The following GNAQ variants were observed in gnomAD, a reference collection of about 807,000 sequenced individuals.
GNAQ encodes the protein guanine nucleotide-binding protein G(q) subunit alpha.
GNAQ carries 8 observed loss-of-function variants against 43.9 expected under a neutral mutation model. The observed-to-expected ratio is 0.18, with a 90% CI of 0.11 to 0.33. GNAQ has a LOEUF of 0.33. GNAQ is among the 10% of genes least tolerant of loss of function. The pLI is 1.00. For synonymous variants in GNAQ, 155 were observed against 170.7 expected, an observed-to-expected ratio of 0.91 and a Z score of 0.71; for missense variants, 158 against 450.8, an observed-to-expected ratio of 0.35 and a Z score of 5.88.
At chr9:77,779,061 C>A (rs943576073) in intron 5 of GNAQ, among the ~76,000 whole-genome samples, 1 of 151,930 alleles carries the variant, frequency 6.6e-6, no homozygotes, top group East Asian at 1.9e-4. Context: ...TGCCATCAAT[C>A]AATTAGATAT....
At chr9:78,022,268 G>A (rs762239170) in intron 1 of GNAQ, among the ~76,000 whole-genome samples, 6 of 152,328 alleles carry the variant, frequency 3.9e-5, no homozygotes, top group Admixed American at 2.6e-4. Flanking sequence ...GAAAGTGGCC[G>A]AGACGCCAAA....
chr9:77,835,125 G>T (rs1452332573), intron 2 of GNAQ, among the ~76,000 whole-genome samples: 2 of 152,118 alleles, frequency 1.3e-5, no homozygotes, highest in Non-Finnish European at 1.5e-5. Flanking sequence ...ACCCTGGGCA[G>T]GGTGAGGTGG....
chr9:77,728,531 T>C lies in GNAQ; in HGVS notation c.872A>G (p.Tyr291Cys). The C allele has an allele frequency of 1.2e-6, 2 of 1,604,838 alleles. No homozygotes were observed. Among genetic ancestry groups the C allele is most frequent in the East Asian group, 2.2e-5 (1 of 44,836 alleles). ...EKIMYSHLVD[Y>C]FPEYDGPQRD... ...TGACTTACCATCATATTCTGGGAAG[T>C]AGTCGACTAGATGGGAATACATGAT... The change falls in exon 6 of 7, where the codon TAC becomes TGC. Residue 291 changes from tyrosine to cysteine, a missense_variant. By Grantham distance (194) the Tyr-to-Cys change is radical. Coordinates refer to ENST00000286548, the MANE Select transcript of GNAQ (RefSeq NM_002072.5).
intron 1 of GNAQ, among the ~76,000 whole-genome samples, chr9:77,979,103 T>G (rs999577062): frequency 4.8e-4 from 73 of 151,854 alleles, no homozygotes; most frequent in African/African-American, 1.7e-3. Flanking sequence ...TGCCTGTAAT[T>G]CCAGTGCTTT....
intron 5 of GNAQ, among the ~76,000 whole-genome samples, chr9:77,769,725 C>T (rs1358712366): frequency 7.1e-6 from 1 of 141,162 alleles, no homozygotes; most frequent in Non-Finnish European, 1.5e-5. Flanking sequence ...AGTGCAGTGG[C>T]GCGATCTCCG....
rs1823072206 is a variant in GNAQ, at chr9:77,958,760, G to GAGCA, written c.137-36419_137-36416dup. ...CATGGGTGCAGTACAGGGTAACAGG[G>GAGCA]AGCAGTACCGACTGTGGCCAATCAA... On this transcript the variant is annotated intron_variant, in intron 1 of 6. Transcript: ENST00000286548. Among the ~76,000 whole-genome samples, 4 of 152,240 alleles carry GAGCA rather than the reference G, an allele frequency of 2.6e-5. No homozygotes were observed. In the South Asian group the frequency reaches 8.3e-4, roughly 32 times the overall value.
intron 2 of GNAQ, among the ~76,000 whole-genome samples, chr9:77,871,570 C>A (rs1305145192): frequency 6.6e-6 from 1 of 152,004 alleles, no homozygotes; most frequent in Non-Finnish European, 1.5e-5. Context: ...CTTTTCTGAT[C>A]CCTTTTAATA....
At chr9:77,941,580 G>A (rs10869990) in intron 1 of GNAQ, among the ~76,000 whole-genome samples, 44,892 of 151,918 alleles carry the variant, frequency 0.3, 6,825 homozygotes, top group South Asian at 0.43. Context: ...TATTGTATAC[G>A]TTTCTGCTCT....
Position 78,031,154 on chromosome 9 carries a change from G to A in GNAQ, c.82C>T (p.Gln28Ter). 1.3e-6 allele frequency: 2 copies of A among 1,551,278 alleles called. No individual in the cohort carries two copies. The highest frequency in any genetic ancestry group is 1.9e-5 in the Admixed American group (1 of 53,722). Reference sequence around the variant, plus strand: ...GCGTCCCGCTTGTCCCTGCGGAGCTGCCGCTCGATCTCGTCGTTGATCCGC... The same window carrying A: ...GCGTCCCGCTTGTCCCTGCGGAGCTACCGCTCGATCTCGTCGTTGATCCGC... ...ARRINDEIER[Q>*]LRRDKRDARR... is the part of the protein sequence containing the mutation. The change falls in exon 1 of 7, where the codon CAG becomes TAG. Residue 28 changes from glutamine to a stop codon, truncating the protein, a stop_gained. Coordinates refer to ENST00000286548, the MANE Select transcript of GNAQ (RefSeq NM_002072.5). LOFTEE classifies it high-confidence loss of function.
In GNAQ at chr9:77,718,461, G is replaced by C. The variant is rs1223763501; in HGVS notation, c.*2862C>G. On this transcript the variant is annotated 3_prime_UTR_variant, in exon 7 of 7. Coordinates refer to ENST00000286548, the MANE Select transcript of GNAQ (RefSeq NM_002072.5). The stretch of plus-strand genomic sequence containing the variant: ...CAATTTTTTCCTTTCTCAAGAGAAG[G>C]GATCTTGTCATGCACCCTACAGGAA... The C allele has an allele frequency of 4.3e-6, 1 of 232,266 alleles. No individual in the cohort carries two copies. Among genetic ancestry groups the C allele is most frequent in the East Asian group, 6.1e-5 (1 of 16,522 alleles). 14.4% of individuals were successfully genotyped at this position (232,266 alleles called of 1,614,324 possible).
chr9:77,969,533 G>A (rs1823210385), intron 1 of GNAQ, among the ~76,000 whole-genome samples: 1 of 152,120 alleles, frequency 6.6e-6, no homozygotes, highest in African/African-American at 2.4e-5. Context: ...ATGGAAGAGA[G>A]GTTACATTAT....
At chr9:78,004,578 T>C (rs1029284097) in intron 1 of GNAQ, among the ~76,000 whole-genome samples, 2 of 152,100 alleles carry the variant, frequency 1.3e-5, no homozygotes, top group African/African-American at 4.8e-5. Flanking sequence ...CCCATTGCCA[T>C]TAGTGGTTTA....
At chr9:77,785,908 G>C (rs1022871484) in intron 5 of GNAQ, among the ~76,000 whole-genome samples, 3 of 152,110 alleles carry the variant, frequency 2.0e-5, no homozygotes, top group Non-Finnish European at 1.5e-5. Flanking sequence ...CAAAGAACTA[G>C]ATGGACAGAT....
At chr9:77,959,558 T>C (rs930483142) in intron 1 of GNAQ, among the ~76,000 whole-genome samples, 1 of 152,188 alleles carries the variant, frequency 6.6e-6, no homozygotes, top group Non-Finnish European at 1.5e-5. Flanking sequence ...TCAATCTGCA[T>C]GAAAGTATGT....
At chr9:77,840,385 G>A (rs564323615) in intron 2 of GNAQ, among the ~76,000 whole-genome samples, 3 of 149,254 alleles carry the variant, frequency 2.0e-5, no homozygotes, top group South Asian at 2.1e-4. Flanking sequence ...AGTCGGAGTC[G>A]GAGTACAGTG....
chr9:77,928,926 G>A (rs1247301892), intron 1 of GNAQ, among the ~76,000 whole-genome samples: 4 of 152,102 alleles, frequency 2.6e-5, no homozygotes, highest in East Asian at 3.9e-4. Context: ...GCTGAGGCAG[G>A]AGAATCACTT....
intron 2 of GNAQ, among the ~76,000 whole-genome samples, chr9:77,884,778 T>C (rs1383130155): frequency 1.3e-5 from 2 of 152,188 alleles, no homozygotes; most frequent in African/African-American, 4.8e-5. Context: ...TTCCCTTAAC[T>C]ATAAATGTCT....
At chr9:77,941,397 C>A in intron 1 of GNAQ, among the ~76,000 whole-genome samples, 1 of 151,916 alleles carries the variant, frequency 6.6e-6, no homozygotes, top group East Asian at 1.9e-4. Context: ...CTACAGGCAC[C>A]CACCACCACA....
At chr9:77,871,049 A>G (rs979821031) in intron 2 of GNAQ, among the ~76,000 whole-genome samples, 4 of 152,184 alleles carry the variant, frequency 2.6e-5, no homozygotes, top group African/African-American at 9.7e-5. Context: ...TGGTTCATAC[A>G]TTTGTCATAA....
Sources: allele counts gnomAD v4.1 joint callset (sites outside exome capture counted in the v4.1 genomes callset), GRCh38; gene constraint gnomAD v4.1.1; transcripts MANE v1.5; gene names NCBI Gene and HGNC (gene_info 2026-07-23, HGNC 2026-07-21).